Variants in ROBO1 observed in about 807,000 individuals in gnomAD.
The protein encoded by ROBO1 is roundabout homolog 1.
In ROBO1, 149 loss-of-function variants were observed where a neutral mutation model predicts 195.9. The observed-to-expected ratio is 0.76, with a 90% CI of 0.67 to 0.87. The LOEUF (loss-of-function observed/expected upper bound fraction) is 0.87. Among genes scored for constraint, ROBO1 ranks in the 40% least tolerant of loss-of-function variants. The pLI, the probability that ROBO1 is intolerant of heterozygous loss-of-function variation, is 0.00. For synonymous variants in ROBO1, 816 were observed against 733.2 expected (o/e 1.11, Z -1.82); for missense variants, 1,933 against 2,068.3 (o/e 0.93, Z 1.27).
At chr3:79,241,931 T>C (rs1018585290) in intron 2 of ROBO1, among the ~76,000 whole-genome samples, 1 of 119,862 alleles carries the variant, frequency 8.3e-6, no homozygotes, top group African/African-American at 3.3e-5. Flanking sequence ...GTAAGTCTTC[T>C]TAATGCTTAA....
At chr3:78,746,344 A>C (rs2108280904) in intron 5 of ROBO1, among the ~76,000 whole-genome samples, 1 of 152,340 alleles carries the variant, frequency 6.6e-6, no homozygotes, top group East Asian at 1.9e-4. Flanking sequence ...ATGAGAAAAA[A>C]ACATAAAAAC....
intron 4 of ROBO1, among the ~76,000 whole-genome samples, chr3:78,790,503 A>G (rs1179526778): frequency 6.6e-6 from 1 of 152,196 alleles, no homozygotes; most frequent in Non-Finnish European, 1.5e-5. Flanking sequence ...TTTTGAACGT[A>G]CAATTGAATT....
intron 2 of ROBO1, among the ~76,000 whole-genome samples, chr3:79,225,802 G>A (rs982829052): frequency 3.9e-5 from 6 of 152,028 alleles, no homozygotes; most frequent in African/African-American, 1.5e-4. Flanking sequence ...AAGCCTCTCA[G>A]TTGCTACCCT....
chr3:79,471,253 T>C (rs1429557002), intron 2 of ROBO1, among the ~76,000 whole-genome samples: 2 of 152,156 alleles, frequency 1.3e-5, no homozygotes, highest in African/African-American at 4.8e-5. Flanking sequence ...GGGCAACGAT[T>C]TTCTTGGATA....
intron 1 of ROBO1, among the ~76,000 whole-genome samples, chr3:79,605,820 G>C (rs1043919898): frequency 4.0e-5 from 6 of 151,784 alleles, no homozygotes; most frequent in African/African-American, 1.2e-4. Context: ...TTATGGATGT[G>C]ACAATTGTCG....
intron 2 of ROBO1, among the ~76,000 whole-genome samples, chr3:79,207,897 T>G (rs967574700): frequency 6.6e-6 from 1 of 152,156 alleles, no homozygotes; most frequent in Admixed American, 6.5e-5. Context: ...GGCTTGAACA[T>G]ACCTTGAGAC....
At chr3:79,023,176 A>C (rs1446245187) in intron 3 of ROBO1, among the ~76,000 whole-genome samples, 1 of 152,184 alleles carries the variant, frequency 6.6e-6, no homozygotes, top group South Asian at 2.1e-4. Context: ...TGCAATGCAC[A>C]CCAAGGCTGT....
At chr3:79,109,273 C>T (rs183626313) in intron 3 of ROBO1, among the ~76,000 whole-genome samples, 1 of 151,782 alleles carries the variant, frequency 6.6e-6, no homozygotes, top group East Asian at 1.9e-4. Context: ...TTGACATACA[C>T]AGTATGCTGT....
intron 1 of ROBO1, among the ~76,000 whole-genome samples, chr3:79,729,611 C>G (rs563801479): frequency 2.0e-5 from 3 of 152,204 alleles, no homozygotes; most frequent in East Asian, 3.9e-4. Context: ...CTGTATTTTT[C>G]TCATTTCTGA....
chr3:79,739,041 T>G (rs1170822868), intron 1 of ROBO1, among the ~76,000 whole-genome samples: 1 of 152,356 alleles, frequency 6.6e-6, no homozygotes, highest in East Asian at 1.9e-4. Flanking sequence ...AAGTTGTTTC[T>G]GATTTCCTCA....
chr3:79,135,321 C>T (rs2080383788), intron 2 of ROBO1, among the ~76,000 whole-genome samples: 1 of 152,134 alleles, frequency 6.6e-6, no homozygotes. Context: ...ATCAGACAGT[C>T]ATATCTGTAA....
intron 8 of ROBO1, among the ~76,000 whole-genome samples, chr3:78,693,732 A>G (rs1373306223): frequency 6.6e-6 from 1 of 152,242 alleles, no homozygotes; most frequent in African/African-American, 2.4e-5. Context: ...TGCTAAAACT[A>G]CACAGAAATC....
chr3:78,889,923 T>C (rs1448854679), intron 4 of ROBO1, among the ~76,000 whole-genome samples: 3 of 151,964 alleles, frequency 2.0e-5, no homozygotes, highest in Non-Finnish European at 4.4e-5. Context: ...CTCCCTCAAT[T>C]CTGTCAAATT....
intron 2 of ROBO1, among the ~76,000 whole-genome samples, chr3:79,251,333 T>C (rs1476184065): frequency 6.6e-6 from 1 of 152,214 alleles, no homozygotes; most frequent in African/African-American, 2.4e-5. Context: ...AGTAGTACTT[T>C]TGGAAATATT....
intron 3 of ROBO1, among the ~76,000 whole-genome samples, chr3:78,981,788 AACACACACACAC>A (rs375186931): frequency 1.0e-4 from 14 of 140,688 alleles, no homozygotes; most frequent in African/African-American, 2.9e-4. Context: ...GGCCCCTGCC[AACACACACACAC>A]ACACACACAC....
chr3:78,788,447 A>ATT (rs2083918266), intron 4 of ROBO1, among the ~76,000 whole-genome samples: 3 of 147,096 alleles, frequency 2.0e-5, no homozygotes, highest in African/African-American at 7.6e-5. Flanking sequence ...TTTTAAAAAA[A>ATT]AAAAAAAAAA....
intron 2 of ROBO1, among the ~76,000 whole-genome samples, chr3:79,194,359 G>A (rs982488887): frequency 6.6e-6 from 1 of 151,580 alleles, no homozygotes; most frequent in Non-Finnish European, 1.5e-5. Context: ...GAGATGTCAC[G>A]CAAAAAAGTC....
At chr3:78,991,692 A>T (rs2077241544) in intron 3 of ROBO1, among the ~76,000 whole-genome samples, 1 of 152,226 alleles carries the variant, frequency 6.6e-6, no homozygotes, top group Non-Finnish European at 1.5e-5. Flanking sequence ...TCTAAGTGAT[A>T]ATTCCACATG....
chr3:79,100,990 T>C (rs2079665635), intron 3 of ROBO1, among the ~76,000 whole-genome samples: 1 of 151,606 alleles, frequency 6.6e-6, no homozygotes, highest in African/African-American at 2.4e-5. Context: ...AGAAGAGAGG[T>C]GGTGTTTTTT....
Sources: allele counts gnomAD v4.1 joint callset (sites outside exome capture counted in the v4.1 genomes callset), GRCh38; gene constraint gnomAD v4.1.1; transcripts MANE v1.5; gene names NCBI Gene and HGNC (gene_info 2026-07-23, HGNC 2026-07-21).